Variants in NAA15 observed in about 807,000 individuals in gnomAD.
NAA15 encodes the protein N-terminal acetyltransferase.
NAA15 carries 34 observed loss-of-function variants against 114.0 expected under a neutral mutation model. The ratio of observed to expected loss-of-function variants is 0.30; its 90% CI spans 0.23 to 0.40. The LOEUF (loss-of-function observed/expected upper bound fraction) is 0.40, where lower values mean the gene tolerates loss of function less well. NAA15 is among the 10% of genes least tolerant of loss of function. The pLI is 1.00. For missense variants in NAA15, 658 were observed against 1,004.5 expected (o/e 0.66, Z 4.66); for synonymous variants, 340 against 338.0 (o/e 1.01, Z -0.06).
chr4:139,304,693 G>C (rs1745949256), intron 1 of NAA15, among the ~76,000 whole-genome samples: 1 of 152,104 alleles, frequency 6.6e-6, no homozygotes. Context: ...CAGACACCAA[G>C]GATAATGAGA....
At chr4:139,328,150 A>G (rs553343251) in intron 1 of NAA15, among the ~76,000 whole-genome samples, 8 of 151,982 alleles carry the variant, frequency 5.3e-5, no homozygotes, top group Middle Eastern at 3.4e-3. Context: ...GTGTCATAAA[A>G]TCTGCTTTAC....
At chr4:139,362,801 T>A (rs1283762596) in intron 14 of NAA15, among the ~76,000 whole-genome samples, 1 of 150,318 alleles carries the variant, frequency 6.7e-6, no homozygotes, top group Non-Finnish European at 1.5e-5. Flanking sequence ...AACCTGAGAA[T>A]GAGTGATCTC....
At chr4:139,340,781 C>T in intron 3 of NAA15, 131 bp from the exon 4 acceptor site, 1 of 613,370 alleles carries the variant, frequency 1.6e-6, no homozygotes, top group Non-Finnish European at 2.6e-6. Flanking sequence ...TGAAATCAAT[C>T]TCCCCCTCCC....
rs182654669 is a variant in NAA15 at position 139,390,916 on chromosome 4, T to C, written c.*2832T>C. ...GAGCTGTGAAATGAAAGCTGTGACT[T>C]TATGAAGAGATCAAAAAAAGTGTGG... On this transcript the variant is annotated 3_prime_UTR_variant, in exon 20 of 20. Transcript: ENST00000296543. The C allele has an allele frequency of 1.3e-5, 2 of 152,290 alleles. No individual in the cohort carries two copies. The highest frequency in any genetic ancestry group is 1.3e-4 in the Admixed American group (2 of 15,282). The allele number at this position is 152,290 out of a possible 1,614,324, so 9.4% of individuals were successfully genotyped here.
intron 9 of NAA15, 102 bp from the exon 10 acceptor site, chr4:139,353,924 G>T: frequency 1.2e-6 from 1 of 835,468 alleles, no homozygotes; most frequent in Non-Finnish European, 2.0e-6. Flanking sequence ...TGTGTGTGTT[G>T]GAGTGTTTAT....
At chr4:139,319,297 G>A (rs1746521999) in intron 1 of NAA15, among the ~76,000 whole-genome samples, 1 of 152,050 alleles carries the variant, frequency 6.6e-6, no homozygotes, top group Non-Finnish European at 1.5e-5. Context: ...TAGTAGAGAT[G>A]GGTTTTCAAC....
chr4:139,349,665 A>G (rs1019568279), intron 7 of NAA15, 84 bp downstream of exon 7: 4 of 1,341,924 alleles, frequency 3.0e-6, no homozygotes, highest in Non-Finnish European at 4.1e-6. Context: ...CACAACTAGA[A>G]TAATAGTGGT....
At chr4:139,303,354 A>G (rs1745878888) in intron 1 of NAA15, among the ~76,000 whole-genome samples, 1 of 152,224 alleles carries the variant, frequency 6.6e-6, no homozygotes. Context: ...CTTTTTCACA[A>G]TTCTTTATTT....
Position 139,376,346 on chromosome 4 carries a change from T to C in NAA15, c.1948-19T>C. On this transcript the variant is annotated intron_variant, in intron 15 of 19. Coordinates refer to ENST00000296543, the MANE Select transcript of NAA15 (RefSeq NM_057175.5). Reference sequence around the variant, plus strand: ...AAGAACCTTAGTTTCATTTGTATAATATCTTTTATTTTTGTTAGGTTGAAA... The same window carrying C: ...AAGAACCTTAGTTTCATTTGTATAACATCTTTTATTTTTGTTAGGTTGAAA... The C allele has an allele frequency of 4.9e-6, 7 of 1,414,456 alleles. No homozygotes were observed. Among genetic ancestry groups the C allele is most frequent in the Non-Finnish European group, 7.0e-6 (7 of 1,004,460 alleles). 87.6% of individuals were successfully genotyped at this position (1,414,456 alleles called of 1,614,324 possible).
chr4:139,369,595 G>A (rs573199849), intron 14 of NAA15, among the ~76,000 whole-genome samples: 2 of 151,882 alleles, frequency 1.3e-5, no homozygotes, highest in African/African-American at 2.4e-5. Context: ...AAAATCAGCC[G>A]GACGTGGTGG....
At position 139,390,045 on chromosome 4, in the gene NAA15, T is replaced by A. The variant is rs1419051603; in HGVS notation, c.*1961T>A. 1.3e-5 allele frequency: 2 copies of A among 152,662 alleles called. No homozygotes were observed. Among genetic ancestry groups the A allele is most frequent in the Non-Finnish European group, 2.9e-5 (2 of 68,040 alleles). The allele number at this position is 152,662 out of a possible 1,614,324, so 9.5% of individuals were successfully genotyped here. A position where few individuals can be genotyped will look rare whatever the true frequency, so the allele number is the denominator to read the frequency against. On this transcript the variant is annotated 3_prime_UTR_variant, in exon 20 of 20. Transcript: ENST00000296543. ...TCCTACCTCTGCCACTAATGAGGTG[T>A]TTGGAGGAGGTACCAGCCATATAAT...
At chr4:139,380,392 T>G (rs1021272674) in intron 17 of NAA15, among the ~76,000 whole-genome samples, 2 of 152,170 alleles carry the variant, frequency 1.3e-5, no homozygotes, top group African/African-American at 4.8e-5. Flanking sequence ...AAAAATAACA[T>G]ACACACTGTT....
chr4:139,306,378 G>A (rs1187313800), intron 1 of NAA15, among the ~76,000 whole-genome samples: 1 of 151,112 alleles, frequency 6.6e-6, no homozygotes, highest in Non-Finnish European at 1.5e-5. Flanking sequence ...ACAGGCGCCT[G>A]CCACCACACT....
intron 1 of NAA15, among the ~76,000 whole-genome samples, chr4:139,326,931 T>C (rs1373215844): frequency 6.6e-6 from 1 of 152,186 alleles, no homozygotes; most frequent in Non-Finnish European, 1.5e-5. Context: ...CAGTTACTAA[T>C]AAATATTTTT....
intron 1 of NAA15, among the ~76,000 whole-genome samples, chr4:139,314,998 C>CAGTTCAGTTT (rs1553992502): frequency 1.6e-4 from 11 of 66,694 alleles, no homozygotes; most frequent in East Asian, 6.4e-4. Context: ...CAGTTCAGTT[C>CAGTTCAGTTT]AGTTTAGTTT....
intron 1 of NAA15, among the ~76,000 whole-genome samples, chr4:139,322,034 A>T (rs1029129821): frequency 2.0e-5 from 3 of 151,990 alleles, no homozygotes; most frequent in Non-Finnish European, 4.4e-5. Flanking sequence ...GCCTTTCTTA[A>T]TAGAGTTTTG....
In NAA15 at chr4:139,353,663, CA is replaced by C. The variant is rs560097147; in HGVS notation, c.1015-362del. Among the ~76,000 whole-genome samples the C allele has an allele frequency of 1.4e-4, 22 of 152,282 alleles. No individual in the cohort carries two copies. In the South Asian group the frequency reaches 4.4e-3, roughly 30 times the overall value. ...TCTACTTAGAGAATTTCTCTTTTCACATAGCATTTAATTCTTAAATGCAAAT... is the reference window on the plus strand; with the variant it reads ...TCTACTTAGAGAATTTCTCTTTTCACTAGCATTTAATTCTTAAATGCAAAT... On this transcript the variant is annotated intron_variant, in intron 9 of 19. Transcript: ENST00000296543.
chr4:139,360,286 T>C (rs1436828536), intron 12 of NAA15, among the ~76,000 whole-genome samples: 1 of 152,150 alleles, frequency 6.6e-6, no homozygotes, highest in East Asian at 1.9e-4. Context: ...CAGTGTGTGT[T>C]CAAAAGTTTC....
At chr4:139,381,066 G>A (rs994921673) in intron 17 of NAA15, among the ~76,000 whole-genome samples, 6 of 152,192 alleles carry the variant, frequency 3.9e-5, no homozygotes, top group Admixed American at 2.0e-4. Flanking sequence ...CATCAGTTGC[G>A]GAAGCTTTGC....
Sources: allele counts gnomAD v4.1 joint callset (sites outside exome capture counted in the v4.1 genomes callset), GRCh38; gene constraint gnomAD v4.1.1; transcripts MANE v1.5; gene names NCBI Gene and HGNC (gene_info 2026-07-23, HGNC 2026-07-21).